METTL8: variants seen among roughly 807,000 people sequenced by gnomAD.
METTL8 encodes tRNA N(3)-cytidine methyltransferase METTL8, mitochondrial.
In METTL8, 32 loss-of-function variants were observed where a neutral mutation model predicts 48.7. That is an observed-to-expected ratio of 0.66 (90% CI 0.50 to 0.88). The LOEUF (loss-of-function observed/expected upper bound fraction) is 0.88, where lower values mean the gene tolerates loss of function less well. Among genes scored for constraint, METTL8 ranks in the 40% least tolerant of loss-of-function variants. METTL8 has a pLI of 0.00. For synonymous variants in METTL8, 136 were observed against 157.1 expected (o/e 0.87, Z 1.01); for missense variants, 464 against 474.4 (o/e 0.98, Z 0.20).
intron 3 of METTL8, among the ~76,000 whole-genome samples, chr2:171,342,900 C>A (rs1559075044): frequency 6.6e-6 from 1 of 151,958 alleles, no homozygotes; most frequent in Admixed American, 6.6e-5. Context: ...AGCGGCCAGG[C>A]GAGGTGGCTC....
At chr2:171,359,641 T>A (rs1684958541) in intron 3 of METTL8, among the ~76,000 whole-genome samples, 1 of 151,920 alleles carries the variant, frequency 6.6e-6, no homozygotes, top group Admixed American at 6.6e-5. Context: ...TTAGACGGAG[T>A]CTCGCTCTGT....
intron 3 of METTL8, among the ~76,000 whole-genome samples, chr2:171,354,515 G>A (rs1412728911): frequency 6.6e-6 from 1 of 152,172 alleles, no homozygotes; most frequent in African/African-American, 2.4e-5. Context: ...TGCCTTGCTA[G>A]GTTGGGGAAG....
intron 1 of METTL8, among the ~76,000 whole-genome samples, chr2:171,408,895 G>A (rs1315843276): frequency 2.0e-5 from 3 of 151,064 alleles, no homozygotes; most frequent in East Asian, 1.9e-4. Context: ...TGCTGGGTGC[G>A]TGGTAAGTGT....
At chr2:171,407,422 T>TA in intron 1 of METTL8, among the ~76,000 whole-genome samples, 1 of 151,904 alleles carries the variant, frequency 6.6e-6, no homozygotes. Flanking sequence ...GTTTTTTTTT[T>TA]AACCCATCTC....
intron 8 of METTL8, 44 bp from the exon 9 acceptor site, chr2:171,325,950 TAA>T: frequency 7.4e-7 from 1 of 1,347,868 alleles, no homozygotes; most frequent in Non-Finnish European, 1.0e-6. Flanking sequence ...GGTATTCCTT[TAA>T]AAAAAAACAA....
At chr2:171,395,861 A>G (rs1195220042) in intron 1 of METTL8, among the ~76,000 whole-genome samples, 4 of 152,232 alleles carry the variant, frequency 2.6e-5, no homozygotes, top group Non-Finnish European at 5.9e-5. Context: ...CCTAGATGAC[A>G]TTTATAGAAA....
intron 1 of METTL8, among the ~76,000 whole-genome samples, chr2:171,415,481 A>G (rs537018116): frequency 6.7e-6 from 1 of 149,082 alleles, no homozygotes; most frequent in African/African-American, 2.5e-5. Context: ...CCTCCCAAGT[A>G]GCTGGGATTA....
chr2:171,421,202 C>T (rs1691836509), intron 1 of METTL8, among the ~76,000 whole-genome samples: 1 of 152,044 alleles, frequency 6.6e-6, no homozygotes, highest in Admixed American at 6.6e-5. Flanking sequence ...GCAAGATTGC[C>T]AAATAAAAGA....
chr2:171,359,341 T>C (rs147027376), intron 3 of METTL8, among the ~76,000 whole-genome samples: 15 of 152,150 alleles, frequency 9.9e-5, no homozygotes, highest in Admixed American at 2.0e-4. Context: ...ATAGCGTATA[T>C]CAAAAAGACA....
intron 6 of METTL8, among the ~76,000 whole-genome samples, chr2:171,330,963 T>C (rs181388067): frequency 6.6e-6 from 1 of 152,276 alleles, no homozygotes; most frequent in African/African-American, 2.4e-5. Context: ...CTTTCTGAGT[T>C]AGTAGACAGT....
At chr2:171,362,277 A>G (rs1685240803) in intron 2 of METTL8, among the ~76,000 whole-genome samples, 1 of 152,158 alleles carries the variant, frequency 6.6e-6, no homozygotes, top group Non-Finnish European at 1.5e-5. Flanking sequence ...GAGAACAGGA[A>G]GGAAAGGGGG....
At chr2:171,371,211 G>A (rs1400492152) in intron 2 of METTL8, among the ~76,000 whole-genome samples, 1 of 152,124 alleles carries the variant, frequency 6.6e-6, no homozygotes, top group African/African-American at 2.4e-5. Flanking sequence ...AATAACTGAA[G>A]TAACTTCAAT....
At chr2:171,381,559 AG>A (rs1369682233) in intron 2 of METTL8, among the ~76,000 whole-genome samples, 7 of 152,240 alleles carry the variant, frequency 4.6e-5, no homozygotes, top group African/African-American at 1.7e-4. Flanking sequence ...CAAATTTACA[AG>A]AAAAAAAAAC....
chr2:171,418,376 C>G (rs1443323690), intron 1 of METTL8, among the ~76,000 whole-genome samples: 1 of 152,122 alleles, frequency 6.6e-6, no homozygotes, highest in Non-Finnish European at 1.5e-5. Flanking sequence ...AAGGTATATG[C>G]CCCTTTTACA....
chr2:171,418,465 G>A lies in METTL8; in HGVS notation c.-13+15418C>T, dbSNP rs528692012. On this transcript the variant is annotated intron_variant, in intron 1 of 9. Transcript: ENST00000375258. The stretch of plus-strand genomic sequence containing the variant: ...GCACTTAGGCTCTACCTCCTTAAGG[G>A]CAGAATATCTACACAAAATATTTGG... 1.7e-3 allele frequency among the ~76,000 whole-genome samples: 264 copies of A among 151,710 alleles called. 5 individuals carry two copies. Among genetic ancestry groups the A allele is most frequent in the Non-Finnish European group, 1.1e-3 (77 of 67,918 alleles).
intron 1 of METTL8, among the ~76,000 whole-genome samples, chr2:171,400,501 C>T (rs1403775183): frequency 6.6e-6 from 1 of 152,166 alleles, no homozygotes; most frequent in African/African-American, 2.4e-5. Flanking sequence ...AATCAAATAG[C>T]AAGCAATGCC....
Position 171,344,110 on chromosome 2 carries a change from ATAG to A in METTL8, c.236-4559_236-4557del, listed in dbSNP as rs547928078. On this transcript the variant is annotated intron_variant, in intron 3 of 9. Transcript: ENST00000375258. Reference sequence around the variant, plus strand: ...GATAATTACATAAATTATACCAATAATAGTAGCATTAAAAATGACAAGAATAAC... The same window carrying A: ...GATAATTACATAAATTATACCAATAATAGCATTAAAAATGACAAGAATAAC... 1.6e-4 allele frequency among the ~76,000 whole-genome samples: 25 copies of A among 152,358 alleles called. No homozygotes were observed. In the East Asian group the frequency reaches 4.8e-3, roughly 29 times the overall value.
intron 4 of METTL8, among the ~76,000 whole-genome samples, chr2:171,338,794 TA>T (rs1559066424): frequency 6.6e-6 from 1 of 151,884 alleles, no homozygotes; most frequent in South Asian, 2.1e-4. Flanking sequence ...GGTTTAGTTT[TA>T]AAAATAGAAA....
At chr2:171,428,381 T>C (rs965017091) in intron 1 of METTL8, among the ~76,000 whole-genome samples, 9 of 152,172 alleles carry the variant, frequency 5.9e-5, no homozygotes, top group African/African-American at 1.9e-4. Flanking sequence ...TTGTGGTATA[T>C]GCCTGTAATC....
Sources: allele counts gnomAD v4.1 joint callset (sites outside exome capture counted in the v4.1 genomes callset), GRCh38; gene constraint gnomAD v4.1.1; transcripts MANE v1.5; gene names NCBI Gene and HGNC (gene_info 2026-07-23, HGNC 2026-07-21).